Variants in PPFIA1 observed in about 807,000 individuals in gnomAD.
PPFIA1 encodes PPFI scaffold protein A1.
In PPFIA1, 25 loss-of-function variants were observed where a neutral mutation model predicts 149.9. That is an observed-to-expected ratio of 0.17 (90% CI 0.12 to 0.23). The LOEUF is 0.23. Ranked by LOEUF, PPFIA1 falls within the 10% of genes least tolerant of loss-of-function variation. The pLI is 1.00. For synonymous variants in PPFIA1, 549 were observed against 552.8 expected, an observed-to-expected ratio of 0.99 and a Z score of 0.10; for missense variants, 1,362 against 1,506.5, an observed-to-expected ratio of 0.90 and a Z score of 1.59.
chr11:70,301,112 T>C (rs902855696), intron 2 of PPFIA1, among the ~76,000 whole-genome samples: 2 of 152,236 alleles, frequency 1.3e-5, no homozygotes, highest in Non-Finnish European at 2.9e-5. Context: ...GTACCAATTT[T>C]CTGATCTTGG....
chr11:70,295,464 G>A (rs1283598503), intron 2 of PPFIA1, among the ~76,000 whole-genome samples: 1 of 143,754 alleles, frequency 7.0e-6, no homozygotes, highest in African/African-American at 2.6e-5. Context: ...GCCGGGCAGA[G>A]GCGCCCCTCA....
chr11:70,349,192 G>A (rs2055900844), intron 16 of PPFIA1, among the ~76,000 whole-genome samples: 1 of 149,978 alleles, frequency 6.7e-6, no homozygotes, highest in South Asian at 2.1e-4. Context: ...ATTTGAAGCC[G>A]TGAACAAGCC....
chr11:70,343,657 T>C lies in PPFIA1; in HGVS notation c.1708-12T>C, dbSNP rs1158683171. ...TACTTTATCTACTGAGATTTGGTTT[T>C]CTTGTTTATAGGTACAAACTCTTAA... On this transcript the variant is annotated splice_polypyrimidine_tract_variant and intron_variant, in intron 14 of 27. Transcript: ENST00000253925. 5 of 1,611,686 alleles carry C rather than the reference T, an allele frequency of 3.1e-6. No individual in the cohort carries two copies. The highest frequency in any genetic ancestry group is 4.2e-6 in the Non-Finnish European group (5 of 1,177,898).
At chr11:70,278,916 A>G in intron 2 of PPFIA1, 1 of 596,230 alleles carries the variant, frequency 1.7e-6, no homozygotes, top group Non-Finnish European at 3.2e-6. Context: ...CAGCCTTTAG[A>G]CAGTCTGCTG....
chr11:70,326,662 C>A lies in PPFIA1; in HGVS notation c.774C>A (p.Ile258=). ...DLAKVIELQE[I]ISKQSREQSQ... ...CTAAAGTAATTGAGCTCCAAGAAAT[C>A]ATAAGTAAGCAGTCAAGGGAACAGA... Residue 258 remains isoleucine (I), a synonymous_variant, in exon 7 of 28, where the codon ATC becomes ATA. Transcript: ENST00000253925. The A allele has an allele frequency of 6.2e-7, 1 of 1,614,096 alleles. No homozygotes were observed. The highest frequency in any genetic ancestry group is 8.5e-7 in the Non-Finnish European group (1 of 1,180,020).
chr11:70,312,890 G>A (rs985870732), intron 2 of PPFIA1, among the ~76,000 whole-genome samples: 3 of 152,188 alleles, frequency 2.0e-5, no homozygotes, highest in Non-Finnish European at 2.9e-5. Flanking sequence ...GAGGAATGCC[G>A]GGGCTGGGGG....
intron 2 of PPFIA1, among the ~76,000 whole-genome samples, chr11:70,279,903 G>GTGTGTGTGTGTGTGTGTGTGTGTGTGT (rs1328899566): frequency 2.7e-4 from 27 of 100,014 alleles, no homozygotes; most frequent in African/African-American, 1.9e-3. Context: ...TGTGTGTGGG[G>GTGTGTGTGTGTGTGTGTGTGTGTGTGT]GATGTGTGTG....
Position 70,296,180 on chromosome 11 carries a change from C to T in PPFIA1, c.264+23744C>T, listed in dbSNP as rs902635270. On this transcript the variant is annotated intron_variant, in intron 2 of 27. Transcript: ENST00000253925. ...AGATGGGATGGCGGCCAGGCAGAGA[C>T]GCTCCTCACTTTCCAGACTCGGCAG... 5.9e-5 allele frequency among the ~76,000 whole-genome samples: 9 copies of T among 151,544 alleles called. 1 individual carries two copies. In the Middle Eastern group the frequency reaches 0.01, roughly 172 times the overall value.
At chr11:70,329,277 T>A (rs549045403) in intron 7 of PPFIA1, among the ~76,000 whole-genome samples, 8 of 152,298 alleles carry the variant, frequency 5.3e-5, no homozygotes, top group African/African-American at 1.9e-4. Flanking sequence ...TTTTATAATA[T>A]TATGTAGAAA....
chr11:70,295,188 C>T (rs1248313263), intron 2 of PPFIA1, among the ~76,000 whole-genome samples: 11 of 139,992 alleles, frequency 7.9e-5, no homozygotes, highest in African/African-American at 8.0e-5. Flanking sequence ...GGGGGGCTGA[C>T]CCCCCCACCT....
chr11:70,294,359 A>C (rs2051745005), intron 2 of PPFIA1, among the ~76,000 whole-genome samples: 1 of 152,134 alleles, frequency 6.6e-6, no homozygotes. Context: ...GGCGAGGGTC[A>C]AAGGAGAGGA....
chr11:70,286,310 G>A (rs2051118037), intron 2 of PPFIA1, among the ~76,000 whole-genome samples: 2 of 152,144 alleles, frequency 1.3e-5, no homozygotes, highest in South Asian at 4.1e-4. Context: ...GGAGTACAAG[G>A]GCACAATCTC....
At chr11:70,332,746 G>T (rs1486199531) in intron 9 of PPFIA1, among the ~76,000 whole-genome samples, 1 of 152,202 alleles carries the variant, frequency 6.6e-6, no homozygotes, top group Admixed American at 6.5e-5. Flanking sequence ...AGCCTCTGGG[G>T]CGTGGGGAGC....
chr11:70,376,071 C>T (rs1272567296), intron 24 of PPFIA1, among the ~76,000 whole-genome samples: 1 of 152,096 alleles, frequency 6.6e-6, no homozygotes, highest in African/African-American at 2.4e-5. Flanking sequence ...TCACTGCACC[C>T]TCTGTCTCCC....
At chr11:70,334,825 A>G (rs977108565) in intron 10 of PPFIA1, among the ~76,000 whole-genome samples, 1 of 152,308 alleles carries the variant, frequency 6.6e-6, no homozygotes, top group African/African-American at 2.4e-5. Flanking sequence ...CCTGCCTGGG[A>G]GGAGCCCCCT....
At chr11:70,290,303 T>C (rs12282005) in intron 2 of PPFIA1, among the ~76,000 whole-genome samples, 2,252 of 152,250 alleles carry the variant, frequency 0.015, 54 homozygotes, top group African/African-American at 0.052. Context: ...TTTGTAAAAA[T>C]GTAAACTCAG....
chr11:70,346,502 T>C (rs1428594967), intron 15 of PPFIA1, among the ~76,000 whole-genome samples: 1 of 152,158 alleles, frequency 6.6e-6, no homozygotes, highest in Non-Finnish European at 1.5e-5. Flanking sequence ...GCCTGTGTTT[T>C]TGACTTTATA....
intron 21 of PPFIA1, among the ~76,000 whole-genome samples, chr11:70,368,693 A>AT (rs938898176): frequency 1.3e-5 from 2 of 152,342 alleles, no homozygotes; most frequent in East Asian, 3.9e-4. Flanking sequence ...AATATAGTTC[A>AT]TTTTTATAAA....
At chr11:70,360,090 C>T (rs1037647156) in intron 19 of PPFIA1, among the ~76,000 whole-genome samples, 13 of 152,336 alleles carry the variant, frequency 8.5e-5, no homozygotes, top group Admixed American at 6.5e-4. Flanking sequence ...GGCCTGGGCC[C>T]GCCACCCAGA....
Sources: allele counts gnomAD v4.1 joint callset (sites outside exome capture counted in the v4.1 genomes callset), GRCh38; gene constraint gnomAD v4.1.1; transcripts MANE v1.5; gene names NCBI Gene and HGNC (gene_info 2026-07-23, HGNC 2026-07-21).